Variants in BTBD8 observed in about 807,000 individuals in gnomAD.
BTBD8 encodes the protein BTB domain containing 8, also known as BTB/POZ domain-containing protein 8.
A neutral mutation model predicts 162.9 loss-of-function variants in BTBD8; 110 were observed. That is an observed-to-expected ratio of 0.68 (90% confidence interval 0.58 to 0.79). The LOEUF (loss-of-function observed/expected upper bound fraction) is 0.79. Ranked by LOEUF, BTBD8 falls within the 30% of genes least tolerant of loss-of-function variation. The pLI, the probability that BTBD8 is intolerant of heterozygous loss-of-function variation, is 0.00. For missense variants in BTBD8, 1,905 were observed against 2,085.4 expected, an observed-to-expected ratio of 0.91 and a Z score of 1.68; for synonymous variants, 667 against 716.1, an observed-to-expected ratio of 0.93 and a Z score of 1.10.
chr1:92,177,923 C>CCTAT (rs1388096616), intron 15 of BTBD8, 25 bp downstream of exon 15: 7 of 1,204,576 alleles, frequency 5.8e-6, no homozygotes, highest in Non-Finnish European at 8.3e-6. Flanking sequence ...AGTGTTTTAA[C>CCTAT]CTATCTGTTA....
At chr1:92,110,731 G>A (rs1019327206) in intron 4 of BTBD8, among the ~76,000 whole-genome samples, 1 of 152,072 alleles carries the variant, frequency 6.6e-6, no homozygotes, top group Non-Finnish European at 1.5e-5. Context: ...TTTTAGTAGA[G>A]ACAGGGTTTC....
At chr1:92,161,883 T>C (rs533579239) in intron 9 of BTBD8, among the ~76,000 whole-genome samples, 6 of 152,248 alleles carry the variant, frequency 3.9e-5, no homozygotes, top group Non-Finnish European at 8.8e-5. Context: ...CTGACACATA[T>C]AGAACAGAAA....
At chr1:92,163,406 A>G (rs1391009903) in intron 9 of BTBD8, among the ~76,000 whole-genome samples, 4 of 150,082 alleles carry the variant, frequency 2.7e-5, no homozygotes, top group African/African-American at 4.9e-5. Context: ...AGTACTGTGC[A>G]TATTAATGCC....
chr1:92,102,532 A>G lies in BTBD8; in HGVS notation c.407A>G (p.Lys136Arg), dbSNP rs17131602. Residue 136 changes from lysine to arginine, a missense_variant, in exon 3 of 18, where the codon AAG becomes AGG. Physicochemically the swap from Lys to Arg is conservative, Grantham distance 26 (BLOSUM62 2). Transcript: ENST00000636805. ...KNYEEEILRK[K>R]IMEIGISQKQ... ...TATGAAGAGGAAATTCTTAGGAAAA[A>G]GATAATGGAGATTGGGATATCACAA... The G allele has an allele frequency of 0.017, 26,971 of 1,577,904 alleles. 299 individuals are homozygous for G. Among genetic ancestry groups the G allele is most frequent in the Non-Finnish European group, 0.021 (23,989 of 1,163,244 alleles).
At chr1:92,145,443 C>A (rs757925910) in intron 7 of BTBD8, among the ~76,000 whole-genome samples, 1 of 152,162 alleles carries the variant, frequency 6.6e-6, no homozygotes, top group Non-Finnish European at 1.5e-5. Flanking sequence ...TTCAGAAATA[C>A]ACATTTAGAG....
At chr1:92,083,104 C>T (rs1175936183) in intron 1 of BTBD8, among the ~76,000 whole-genome samples, 1 of 151,178 alleles carries the variant, frequency 6.6e-6, no homozygotes, top group East Asian at 1.9e-4. Flanking sequence ...CCACTGCCCT[C>T]CAGTCTGGGC....
chr1:92,181,455 T>G lies in BTBD8; in HGVS notation c.3772T>G (p.Ser1258Ala). The G allele has an allele frequency of 1.9e-6, 3 of 1,551,692 alleles. No homozygotes were observed. Among genetic ancestry groups the G allele is most frequent in the Non-Finnish European group, 2.6e-6 (3 of 1,146,972 alleles). Residue 1258 changes from serine to alanine, a missense_variant, in exon 17 of 18, where the codon TCC becomes GCC. By Grantham distance (99) the Ser-to-Ala change is moderately conservative. This residue lies in a region of BTBD8 where 14 missense variants were observed against 36.1 expected (regional missense o/e 0.39). Transcript: ENST00000636805. ...PESDTGSATT[S>A]SDDIKPRSED... is the part of the protein sequence containing the mutation. ...ATCTGACACTGGCAGTGCTACCACCTCCTCCGATGACATAAAGCCCAGATC... is the reference window on the plus strand; with the variant it reads ...ATCTGACACTGGCAGTGCTACCACCGCCTCCGATGACATAAAGCCCAGATC...
At chr1:92,111,873 GT>G (rs1209130965) in intron 4 of BTBD8, among the ~76,000 whole-genome samples, 2 of 152,146 alleles carry the variant, frequency 1.3e-5, no homozygotes, top group Non-Finnish European at 2.9e-5. Context: ...TAAGTGGCCT[GT>G]TTTTGTATGA....
At chr1:92,164,836 T>G (rs1650350133) in intron 9 of BTBD8, among the ~76,000 whole-genome samples, 1 of 151,872 alleles carries the variant, frequency 6.6e-6, no homozygotes. Flanking sequence ...TAATTTTTTA[T>G]ATTTTTGTAG....
At chr1:92,151,735 T>C (rs1650051383) in intron 9 of BTBD8, among the ~76,000 whole-genome samples, 2 of 152,162 alleles carry the variant, frequency 1.3e-5, no homozygotes, top group Non-Finnish European at 2.9e-5. Flanking sequence ...AAGTTCATTT[T>C]TTCACTGTGT....
intron 7 of BTBD8, among the ~76,000 whole-genome samples, chr1:92,142,829 T>TAA (rs1649809758): frequency 6.6e-6 from 1 of 152,178 alleles, no homozygotes; most frequent in Non-Finnish European, 1.5e-5. Context: ...CTCCAGTATC[T>TAA]GAATTAGAAC....
chr1:92,178,391 G>T lies in BTBD8; in HGVS notation c.2521G>T (p.Gly841Ter). The T allele has an allele frequency of 6.4e-7, 1 of 1,551,362 alleles. No individual in the cohort carries two copies. The highest frequency in any genetic ancestry group is 8.7e-7 in the Non-Finnish European group (1 of 1,146,714). Reference sequence around the variant, plus strand: ...TTTGAAGAAAAGAGGAACTAGCAATGGATGTACTGCAGCTCAGCAGAGGAC... The same window carrying T: ...TTTGAAGAAAAGAGGAACTAGCAATTGATGTACTGCAGCTCAGCAGAGGAC... The part of the protein sequence containing the change: ...AILKKRGTSN[G>*]CTAAQQRTKS... Residue 841 changes from glycine to a stop codon, truncating the protein, a stop_gained, in exon 16 of 18, where the codon GGA becomes TGA. Transcript: ENST00000636805. LOFTEE classifies it high-confidence loss of function.
chr1:92,118,803 C>CTTTTTTTTTTTTTTTTTTTTTTTTTTT (rs386367658), intron 4 of BTBD8, among the ~76,000 whole-genome samples: 12 of 95,278 alleles, frequency 1.3e-4, no homozygotes, highest in African/African-American at 2.3e-4. Flanking sequence ...TTCTTTCTTT[C>CTTTTTTTTTTTTTTTTTTTTTTTTTTT]TTTTTTTTTT....
At chr1:92,109,101 C>T (rs977823619) in intron 4 of BTBD8, among the ~76,000 whole-genome samples, 1 of 152,152 alleles carries the variant, frequency 6.6e-6, no homozygotes, top group Non-Finnish European at 1.5e-5. Flanking sequence ...TGTAAATATA[C>T]ATATACGTAT....
Position 92,168,894 on chromosome 1 carries a change from G to A in BTBD8, c.1472G>A (p.Arg491His), listed in dbSNP as rs760615713. 8.4e-6 allele frequency: 13 copies of A among 1,540,578 alleles called. No homozygotes were observed. The highest frequency in any genetic ancestry group is 7.9e-5 in the Admixed American group (4 of 50,900). ...MGFTCKIQALRDKLWIFLVQS... is the reference protein window; with the variant it reads ...MGFTCKIQALHDKLWIFLVQS... ...TTTACGTGCAAGATCCAGGCTCTGC[G>A]TGATAAGCTGTGGATCTTCCTGGTT... Residue 491 changes from arginine (R) to histidine (H), a missense_variant, in exon 12 of 18, where the codon CGT becomes CAT. Physicochemically the swap from Arg to His is conservative, Grantham distance 29. This residue lies in a region of BTBD8 where 1,374 missense variants were observed against 1,442.7 expected (regional missense o/e 0.95). Coordinates refer to ENST00000636805, the MANE Select transcript of BTBD8 (RefSeq NM_001376131.1).
chr1:92,169,249 A>C (rs1650468608), intron 12 of BTBD8, among the ~76,000 whole-genome samples: 1 of 152,220 alleles, frequency 6.6e-6, no homozygotes, highest in Non-Finnish European at 1.5e-5. Flanking sequence ...ACAATGTTCT[A>C]GGCAAATTTG....
intron 9 of BTBD8, among the ~76,000 whole-genome samples, chr1:92,164,364 T>A (rs781630064): frequency 1.1e-4 from 17 of 152,042 alleles, no homozygotes; most frequent in Non-Finnish European, 1.9e-4. Context: ...ACACCTGTAA[T>A]CCCAGCATTT....
chr1:92,130,177 T>C (rs1471004840), intron 5 of BTBD8, among the ~76,000 whole-genome samples: 1 of 152,106 alleles, frequency 6.6e-6, no homozygotes, highest in African/African-American at 2.4e-5. Context: ...GAGAGTTTTA[T>C]GGTATTTCTT....
Position 92,102,571 on chromosome 1 carries a change from T to G in BTBD8, c.446T>G (p.Ile149Ser). The G allele has an allele frequency of 1.3e-6, 2 of 1,598,974 alleles. No individual in the cohort carries two copies. The change falls in exon 3 of 18, where the codon ATC becomes AGC. Residue 149 changes from isoleucine to serine, a missense_variant. Ile to Ser is a moderately radical substitution (Grantham distance 142). Transcript: ENST00000636805. ...EIGISQKQLDISFPKCENSSD... is the reference protein window; with the variant it reads ...EIGISQKQLDSSFPKCENSSD... ...GGGATATCACAAAAGCAACTTGACA[T>G]CAGTTTTCCAAAGTGTGAAAACTCA...
Sources: gnomAD v4.1 joint callset for allele counts (sites outside exome capture counted in the v4.1 genomes callset) on GRCh38, gnomAD v4.1.1 for gene constraint, gnomAD v4.1.1 regional missense constraint, MANE v1.5 for transcripts, NCBI Gene and HGNC (gene_info 2026-07-23, HGNC 2026-07-21) for gene names.